Variants in EFCAB3 observed in about 807,000 individuals in gnomAD.
EFCAB3 encodes EF-hand calcium binding domain 3.
A neutral mutation model predicts 42.2 loss-of-function variants in EFCAB3; 36 were observed. That is an observed-to-expected ratio of 0.85 (90% confidence interval 0.65 to 1.13). EFCAB3 has a LOEUF of 1.13. EFCAB3 is among the 50% of genes most tolerant of loss of function. EFCAB3 has a pLI of 0.00. For missense variants in EFCAB3, 418 were observed against 505.1 expected (o/e 0.83, Z 1.65); for synonymous variants, 170 against 172.8 (o/e 0.98, Z 0.13).
At chr17:62,385,255 G>A (rs1307230730) in intron 2 of EFCAB3, among the ~76,000 whole-genome samples, 1 of 152,132 alleles carries the variant, frequency 6.6e-6, no homozygotes, top group African/African-American at 2.4e-5. Context: ...ACCAGCCTGA[G>A]CAACATAAGG....
intron 3 of EFCAB3, among the ~76,000 whole-genome samples, chr17:62,388,453 A>C (rs2070274556): frequency 6.6e-6 from 1 of 152,200 alleles, no homozygotes; most frequent in African/African-American, 2.4e-5. Context: ...AAAAAAGGGA[A>C]AGCATGATGC....
intron 4 of EFCAB3, among the ~76,000 whole-genome samples, chr17:62,392,497 G>A (rs2070312035): frequency 6.6e-6 from 1 of 152,066 alleles, no homozygotes; most frequent in South Asian, 2.1e-4. Flanking sequence ...TGTTAATAAT[G>A]ACATGTTACC....
chr17:62,411,706 G>T (rs753613796), intron 8 of EFCAB3, among the ~76,000 whole-genome samples: 49 of 151,788 alleles, frequency 3.2e-4, no homozygotes, highest in Non-Finnish European at 5.6e-4. Flanking sequence ...GGCAGAGGTT[G>T]CAGTGAGCCG....
chr17:62,401,058 A>T (rs1283924879), intron 6 of EFCAB3, among the ~76,000 whole-genome samples: 1 of 152,108 alleles, frequency 6.6e-6, no homozygotes, highest in Non-Finnish European at 1.5e-5. Context: ...GCATTTTTTC[A>T]TGTGTCTGTT....
At chr17:62,377,462 T>C (rs1290266058), upstream of EFCAB3, among the ~76,000 whole-genome samples, 2 of 152,112 alleles carry the variant, frequency 1.3e-5, no homozygotes, top group African/African-American at 4.8e-5. Context: ...AAAAGTTAAA[T>C]CTGTACTATT....
At chr17:62,393,424 C>G in intron 4 of EFCAB3, 149 bp from the exon 5 acceptor site, 1 of 613,302 alleles carries the variant, frequency 1.6e-6, no homozygotes, top group Non-Finnish European at 2.8e-6. Flanking sequence ...TTCAAGAAGA[C>G]CAGGGCTCAC....
chr17:62,398,025 CA>C (rs34957895), intron 6 of EFCAB3: 2,208 of 93,386 alleles, frequency 0.024, 1 homozygote, highest in Middle Eastern at 0.11. Context: ...GACTCCATCT[CA>C]AAAAAAAAAA....
intron 8 of EFCAB3, among the ~76,000 whole-genome samples, chr17:62,409,530 T>G (rs1386752330): frequency 6.6e-6 from 1 of 151,990 alleles, no homozygotes; most frequent in Non-Finnish European, 1.5e-5. Context: ...GGCAACATAG[T>G]GAGGCTCCAT....
intron 9 of EFCAB3, among the ~76,000 whole-genome samples, chr17:62,414,583 TTGTGTGTGTGTG>T (rs4058759): frequency 6.7e-6 from 1 of 148,688 alleles, no homozygotes; most frequent in Admixed American, 6.7e-5. Context: ...TTTGTTTGTT[TTGTGTGTGTGTG>T]TGTGTGTGTG....
chr17:62,403,471 A>G (rs2070421464), intron 6 of EFCAB3, among the ~76,000 whole-genome samples: 1 of 152,198 alleles, frequency 6.6e-6, no homozygotes, highest in Non-Finnish European at 1.5e-5. Flanking sequence ...ATTAGAAAAT[A>G]TTTAAGTGGC....
At chr17:62,378,068 T>C, upstream of EFCAB3, 1 of 1,442,314 alleles carries the variant, frequency 6.9e-7, no homozygotes, top group Non-Finnish European at 9.4e-7. Context: ...GGCTTAATAC[T>C]TTGACTTACA....
intron 2 of EFCAB3, among the ~76,000 whole-genome samples, chr17:62,375,148 T>G (rs1403349221): frequency 6.6e-6 from 1 of 152,160 alleles, no homozygotes; most frequent in Non-Finnish European, 1.5e-5. Context: ...GTAAGAATAA[T>G]TTAAGGTATA....
At chr17:62,381,225 A>G (rs1334373656) in intron 1 of EFCAB3, among the ~76,000 whole-genome samples, 1 of 134,014 alleles carries the variant, frequency 7.5e-6, no homozygotes, top group Non-Finnish European at 1.5e-5. Flanking sequence ...TTCAATTCCC[A>G]CCTATGAGTG....
At position 62,389,824 on chromosome 17, in the gene EFCAB3, ATTTAT is replaced by A. The variant is rs1255964711; in HGVS notation, c.152-1994_152-1990del. On this transcript the variant is annotated intron_variant, in intron 3 of 9. Coordinates refer to ENST00000305286, the MANE Select transcript of EFCAB3 (RefSeq NM_173503.4). ...CTAATTATTTAATTTTTATTTATTT[ATTTAT>A]TTTTTTCTGTGCAGTGGTGCCATCT... 2.6e-4 allele frequency among the ~76,000 whole-genome samples: 8 copies of A among 30,542 alleles called. No homozygotes were observed. The Non-Finnish European group carries it at 9.8e-3, about 37-fold the overall frequency. The allele number at this position is 30,542 out of a possible 152,430, so 20.0% of individuals were successfully genotyped here. A position where few individuals can be genotyped will look rare whatever the true frequency, so the allele number is the denominator to read the frequency against.
chr17:62,415,022 T>A (rs2144120902), intron 9 of EFCAB3, among the ~76,000 whole-genome samples: 1 of 151,942 alleles, frequency 6.6e-6, no homozygotes, highest in East Asian at 1.9e-4. Context: ...GAGAATCCCT[T>A]CAACCCAGGA....
intron 2 of EFCAB3, among the ~76,000 whole-genome samples, chr17:62,383,518 AAAC>A (rs1212916669): frequency 1.3e-5 from 2 of 152,220 alleles, no homozygotes; most frequent in African/African-American, 4.8e-5. Flanking sequence ...GATTATGATG[AAAC>A]AATTAAAATA....
chr17:62,402,220 T>G (rs2070409489), intron 6 of EFCAB3, among the ~76,000 whole-genome samples: 3 of 152,206 alleles, frequency 2.0e-5, no homozygotes, highest in Non-Finnish European at 4.4e-5. Flanking sequence ...AAATATGCAA[T>G]CATATCATCT....
chr17:62,408,855 T>C (rs2070470110), intron 8 of EFCAB3, among the ~76,000 whole-genome samples: 1 of 152,206 alleles, frequency 6.6e-6, no homozygotes, highest in South Asian at 2.1e-4. Flanking sequence ...TCTATGGCTT[T>C]GCTATTTCTT....
chr17:62,414,031 G>A (rs1173384779), intron 9 of EFCAB3, among the ~76,000 whole-genome samples, 177 bp downstream of exon 9: 1 of 152,132 alleles, frequency 6.6e-6, no homozygotes, highest in Non-Finnish European at 1.5e-5. Context: ...ATAATCAAAT[G>A]GATTCAAATG....
Sources: allele counts gnomAD v4.1 joint callset (sites outside exome capture counted in the v4.1 genomes callset), GRCh38; gene constraint gnomAD v4.1.1; transcripts MANE v1.5; gene names NCBI Gene and HGNC (gene_info 2026-07-23, HGNC 2026-07-21).